The following BTAF1 variants were observed in gnomAD, a reference collection of about 807,000 sequenced individuals.
BTAF1 encodes the protein TATA-binding protein-associated factor 172.
BTAF1 carries 38 observed loss-of-function variants against 227.1 expected under a neutral mutation model. That is an observed-to-expected ratio of 0.17 (90% CI 0.13 to 0.22). The LOEUF (loss-of-function observed/expected upper bound fraction) is 0.22, where lower values mean the gene tolerates loss of function less well. Ranked by LOEUF, BTAF1 falls within the 10% of genes least tolerant of loss-of-function variation. The pLI is 1.00. For synonymous variants in BTAF1, 742 were observed against 751.9 expected (o/e 0.99, Z 0.21); for missense variants, 1,598 against 2,204.0 (o/e 0.73, Z 5.51).
rs966680589 is a variant in BTAF1, at chr10:91,923,854, C to T, written c.-223C>T. 8.6e-6 allele frequency: 4 copies of T among 463,242 alleles called. No homozygotes were observed. Among genetic ancestry groups the T allele is most frequent in the Non-Finnish European group, 1.1e-5 (3 of 264,518 alleles). The allele number at this position is 463,242 out of a possible 1,614,324, so 28.7% of individuals were successfully genotyped here. A position where few individuals can be genotyped will look rare whatever the true frequency, so the allele number is the denominator to read the frequency against. ...GTCGTGCGGGTCGGAGGACTGCCGC[C>T]TCCGCTACCGTCTTGGACCCCTGCT... is the stretch of plus-strand genomic sequence containing the variant. On this transcript the variant is annotated 5_prime_UTR_variant, in exon 1 of 38. Transcript: ENST00000265990.
At chr10:91,937,218 C>T (rs1329291886) in intron 2 of BTAF1, among the ~76,000 whole-genome samples, 1 of 152,022 alleles carries the variant, frequency 6.6e-6, no homozygotes, top group Non-Finnish European at 1.5e-5. Flanking sequence ...TGGTCTTGAT[C>T]TCTGGACCTC....
chr10:91,924,203 G>GCTTT (rs1341626154), intron 1 of BTAF1, 113 bp downstream of exon 1: 11 of 1,412,308 alleles, frequency 7.8e-6, no homozygotes, highest in African/African-American at 1.5e-5. Context: ...GGGCTCTGGA[G>GCTTT]CTTTCTTCAG....
rs1851760904 is a variant in BTAF1 at position 92,029,587 on chromosome 10, A to T, written c.*654A>T. ...GTAATGGTATATTTAAGGCTACCAT[A>T]ACATCCTATTTAGAGGGTGGTTTTT... On this transcript the variant is annotated 3_prime_UTR_variant, in exon 38 of 38. Transcript: ENST00000265990. 6.6e-6 allele frequency: 1 copy of T among 152,012 alleles called. No individual in the cohort carries two copies. Among genetic ancestry groups the T allele is most frequent in the South Asian group, 2.1e-4 (1 of 4,832 alleles). The allele number at this position is 152,012 out of a possible 1,614,324, so 9.4% of individuals were successfully genotyped here. A position where few individuals can be genotyped will look rare whatever the true frequency, so the allele number is the denominator to read the frequency against.
chr10:91,938,994 G>A (rs1161575979), intron 2 of BTAF1, among the ~76,000 whole-genome samples: 1 of 149,808 alleles, frequency 6.7e-6, no homozygotes, highest in African/African-American at 2.5e-5. Flanking sequence ...AAAAAAGGGG[G>A]GGGGGATTTT....
chr10:91,991,842 T>TAC (rs1160974665), intron 20 of BTAF1, among the ~76,000 whole-genome samples: 2 of 146,384 alleles, frequency 1.4e-5, no homozygotes, highest in East Asian at 4.0e-4. Flanking sequence ...TACACACATA[T>TAC]ATACACACAC....
rs6144026 is a variant in BTAF1, at chr10:91,925,516, C to CTT, written c.14+1438_14+1439dup. ...CCTAATTTTCGGGCAACGCTAATCT[C>CTT]TTTTTTTTTTTTTGAGAAGGAATCT... On this transcript the variant is annotated intron_variant, in intron 1 of 37. Transcript: ENST00000265990. 4.0e-4 allele frequency among the ~76,000 whole-genome samples: 46 copies of CTT among 114,596 alleles called. 2 individuals are homozygous for CTT. The highest frequency in any genetic ancestry group is 1.0e-3 in the African/African-American group (37 of 36,908). The allele number at this position is 114,596 out of a possible 152,430, so 75.2% of individuals were successfully genotyped here.
chr10:91,977,563 G>A (rs1169799221), intron 14 of BTAF1, among the ~76,000 whole-genome samples: 2 of 152,086 alleles, frequency 1.3e-5, no homozygotes, highest in African/African-American at 4.8e-5. Context: ...GCAGATTTTT[G>A]TGTGGACTTT....
chr10:92,029,825 C>CT lies in BTAF1; in HGVS notation c.*895dup, dbSNP rs1851778091. On this transcript the variant is annotated 3_prime_UTR_variant, in exon 38 of 38. Coordinates refer to ENST00000265990, the MANE Select transcript of BTAF1 (RefSeq NM_003972.3). ...GAAGCATAAAAGGGAGAGAGAATTTCTTTATATACACAAACATACATGAAT... is the reference window on the plus strand; with the variant it reads ...GAAGCATAAAAGGGAGAGAGAATTTCTTTTATATACACAAACATACATGAAT... 3 of 152,400 alleles carry CT rather than the reference C, an allele frequency of 2.0e-5. No individual in the cohort carries two copies. In the South Asian group the frequency reaches 6.2e-4, roughly 32 times the overall value. 9.4% of individuals were successfully genotyped at this position (152,400 alleles called of 1,614,324 possible).
intron 25 of BTAF1, among the ~76,000 whole-genome samples, chr10:92,000,404 A>G (rs1849439461): frequency 6.6e-6 from 1 of 152,222 alleles, no homozygotes; most frequent in Non-Finnish European, 1.5e-5. Flanking sequence ...CTAACAGCTG[A>G]AAGTAGTATT....
At chr10:92,026,905 C>T (rs1166609160) in intron 36 of BTAF1, among the ~76,000 whole-genome samples, 154 bp downstream of exon 36, 3 of 152,144 alleles carry the variant, frequency 2.0e-5, no homozygotes, top group Non-Finnish European at 4.4e-5. Flanking sequence ...GGTATCACTT[C>T]CTCATGCATT....
At position 92,013,605 on chromosome 10, in the gene BTAF1, T is replaced by A. The variant is rs1168241783; in HGVS notation, c.4312-62T>A. On this transcript the variant is annotated intron_variant, in intron 30 of 37. Coordinates refer to ENST00000265990, the MANE Select transcript of BTAF1 (RefSeq NM_003972.3). Reference sequence around the variant, plus strand: ...TATAATAATGGGCTTTCATTAATGTTACTTTTTTAGTTGTAAGGAAATAAT... The same window carrying A: ...TATAATAATGGGCTTTCATTAATGTAACTTTTTTAGTTGTAAGGAAATAAT... The A allele has an allele frequency of 3.1e-6, 5 of 1,598,952 alleles. No individual in the cohort carries two copies. The Admixed American group carries it at 8.4e-5, about 27-fold the overall frequency.
At position 92,031,239 on chromosome 10, in the gene BTAF1, T is replaced by C. The variant is rs1275436430; in HGVS notation, c.*2306T>C. Among the ~76,000 whole-genome samples the C allele has an allele frequency of 6.6e-6, 1 of 152,220 alleles. No homozygotes were observed. The highest frequency in any genetic ancestry group is 3.2e-3 in the Middle Eastern group (1 of 316). Reference sequence around the variant, plus strand: ...ATCTTAACATTTGGGGGCCTGGGTATAATTTTTGTTTCATATATTCACTCA... The same window carrying C: ...ATCTTAACATTTGGGGGCCTGGGTACAATTTTTGTTTCATATATTCACTCA... On this transcript the variant is annotated 3_prime_UTR_variant, in exon 38 of 38. Coordinates refer to ENST00000265990, the MANE Select transcript of BTAF1 (RefSeq NM_003972.3).
At chr10:91,966,224 G>C (rs1280258825) in intron 13 of BTAF1, among the ~76,000 whole-genome samples, 1 of 152,188 alleles carries the variant, frequency 6.6e-6, no homozygotes, top group Admixed American at 6.5e-5. Flanking sequence ...GAAATTATGT[G>C]TATCTACCCG....
chr10:91,924,037 G>T lies in BTAF1; in HGVS notation c.-40G>T. 2.5e-6 allele frequency: 4 copies of T among 1,600,410 alleles called. No homozygotes were observed. The highest frequency in any genetic ancestry group is 3.4e-6 in the Non-Finnish European group (4 of 1,175,452). On this transcript the variant is annotated 5_prime_UTR_variant, in exon 1 of 38. Transcript: ENST00000265990. ...GAAACTAGCGCCTCAGCTGCGCGGC[G>T]CGTAGGTCGCGGGGAGCTCCGAACC...
chr10:91,969,326 A>G (rs548103289), intron 14 of BTAF1, among the ~76,000 whole-genome samples: 6 of 152,230 alleles, frequency 3.9e-5, no homozygotes, highest in African/African-American at 7.2e-5. Context: ...TAACTGAAAT[A>G]TACTTTTTTT....
intron 2 of BTAF1, among the ~76,000 whole-genome samples, chr10:91,938,217 A>G (rs1844766205): frequency 6.6e-6 from 1 of 152,206 alleles, no homozygotes; most frequent in African/African-American, 2.4e-5. Flanking sequence ...TCCAAACTAT[A>G]CAAAGGTATA....
In BTAF1 at chr10:92,029,919, C is replaced by T. The variant is rs1160428376; in HGVS notation, c.*986C>T. On this transcript the variant is annotated 3_prime_UTR_variant, in exon 38 of 38. Coordinates refer to ENST00000265990, the MANE Select transcript of BTAF1 (RefSeq NM_003972.3). ...AGGTGCCTGGTATTGGCACTAAAAT[C>T]ATGTAGTTATACTGGGCAGCAATAA... 6.6e-6 allele frequency: 1 copy of T among 152,500 alleles called. No homozygotes were observed. Among genetic ancestry groups the T allele is most frequent in the Non-Finnish European group, 1.5e-5 (1 of 67,962 alleles). The allele number at this position is 152,500 out of a possible 1,614,324, so 9.4% of individuals were successfully genotyped here. A position where few individuals can be genotyped will look rare whatever the true frequency, so the allele number is the denominator to read the frequency against.
chr10:91,950,162 A>AG (rs1491326300), intron 4 of BTAF1, among the ~76,000 whole-genome samples: 3 of 57,384 alleles, frequency 5.2e-5, no homozygotes. Flanking sequence ...GGGGGGCGGG[A>AG]AAGAAGACTA....
At chr10:91,950,681 A>G (rs1257339998) in intron 4 of BTAF1, among the ~76,000 whole-genome samples, 5 of 152,180 alleles carry the variant, frequency 3.3e-5, no homozygotes, top group African/African-American at 1.2e-4. Flanking sequence ...TCAGCTCAGA[A>G]TACATAAAGG....
Sources: allele counts gnomAD v4.1 joint callset (sites outside exome capture counted in the v4.1 genomes callset), GRCh38; gene constraint gnomAD v4.1.1; transcripts MANE v1.5; gene names NCBI Gene and HGNC (gene_info 2026-07-23, HGNC 2026-07-21).